The following HMCN1 variants were observed in gnomAD, a reference collection of about 807,000 sequenced individuals.
HMCN1 encodes the protein hemicentin 1.
HMCN1 carries 321 observed loss-of-function variants against 625.9 expected under a neutral mutation model. That is an observed-to-expected ratio of 0.51 (90% CI 0.47 to 0.56). HMCN1 has a LOEUF of 0.56. HMCN1 is among the 20% of genes least tolerant of loss of function. The probability of loss-of-function intolerance (pLI) is 0.00; values close to 1 mark genes in which losing one functional copy is unlikely to be tolerated. For synonymous variants in HMCN1, 2,425 were observed against 2,417.6 expected (o/e 1.00, Z -0.09); for missense variants, 6,588 against 6,887.3 (o/e 0.96, Z 1.54).
intron 1 of HMCN1, among the ~76,000 whole-genome samples, chr1:185,820,013 A>G (rs1218627215): frequency 2.0e-5 from 3 of 152,224 alleles, no homozygotes; most frequent in Admixed American, 1.3e-4. Context: ...AGCAGGAAGG[A>G]AAAAAGCACA....
At chr1:185,928,193 T>A (rs961637083) in intron 9 of HMCN1, among the ~76,000 whole-genome samples, 3 of 152,178 alleles carry the variant, frequency 2.0e-5, no homozygotes, top group Admixed American at 6.5e-5. Context: ...CTAAGATTCC[T>A]ACTGACATGA....
chr1:185,873,068 A>G (rs1181495114), intron 4 of HMCN1, among the ~76,000 whole-genome samples: 1 of 152,182 alleles, frequency 6.6e-6, no homozygotes, highest in East Asian at 1.9e-4. Context: ...AAGGGTAAAC[A>G]CTAGCCAATA....
intron 1 of HMCN1, among the ~76,000 whole-genome samples, chr1:185,812,672 A>G (rs1451135515): frequency 6.6e-6 from 1 of 152,164 alleles, no homozygotes; most frequent in Non-Finnish European, 1.5e-5. Context: ...AATAATTGAA[A>G]ACTGAATAAT....
intron 68 of HMCN1, among the ~76,000 whole-genome samples, chr1:186,096,728 A>G (rs997837556): frequency 1.3e-5 from 2 of 152,166 alleles, no homozygotes; most frequent in Admixed American, 6.6e-5. Flanking sequence ...CAGGGATGCA[A>G]GGATGTTTTA....
chr1:186,000,657 T>C (rs1238558676), intron 26 of HMCN1, among the ~76,000 whole-genome samples: 3 of 151,782 alleles, frequency 2.0e-5, no homozygotes, highest in Non-Finnish European at 4.4e-5. Flanking sequence ...TATCCTCTTT[T>C]TATTTATAAA....
At chr1:185,825,773 G>A (rs1660477029) in intron 1 of HMCN1, among the ~76,000 whole-genome samples, 1 of 152,102 alleles carries the variant, frequency 6.6e-6, no homozygotes, top group South Asian at 2.1e-4. Context: ...TGTTATGTTG[G>A]GCTTTGTGGT....
intron 68 of HMCN1, among the ~76,000 whole-genome samples, chr1:186,099,353 CA>C (rs1660286511): frequency 6.6e-6 from 1 of 152,046 alleles, no homozygotes; most frequent in African/African-American, 2.4e-5. Flanking sequence ...GGTTGGGTAG[CA>C]AATTCCTGTA....
chr1:185,734,521 AGG>A lies in HMCN1; in HGVS notation c.-257_-256del. On this transcript the variant is annotated 5_prime_UTR_variant, in exon 1 of 107. An upstream open reading frame in the 5' UTR loses its in-frame stop. Transcript: ENST00000271588. The stretch of plus-strand genomic sequence containing the variant: ...GCCCGCACTCCGCCACAGGCTGTCC[AGG>A]GCCCGCGGGCAGATAGCAGTCCAGG... The A allele has an allele frequency of 4.1e-6, 2 of 483,762 alleles. No individual in the cohort carries two copies. Among genetic ancestry groups the A allele is most frequent in the Non-Finnish European group, 7.5e-6 (2 of 267,736 alleles). 30.0% of individuals were successfully genotyped at this position (483,762 alleles called of 1,614,324 possible). A position where few individuals can be genotyped will look rare whatever the true frequency, so the allele number is the denominator to read the frequency against.
intron 57 of HMCN1, among the ~76,000 whole-genome samples, chr1:186,083,270 C>G (rs1159247926): frequency 6.6e-6 from 1 of 151,956 alleles, no homozygotes; most frequent in East Asian, 1.9e-4. Flanking sequence ...GAAGCAAATA[C>G]AGGTCTCCTA....
chr1:186,078,548 C>T (rs767949374), intron 55 of HMCN1, among the ~76,000 whole-genome samples: 2 of 152,222 alleles, frequency 1.3e-5, no homozygotes, highest in African/African-American at 2.4e-5. Flanking sequence ...TTACCTCTCT[C>T]GACTCTGCTT....
intron 101 of HMCN1, among the ~76,000 whole-genome samples, 191 bp from the exon 102 acceptor site, chr1:186,171,811 GTGTT>G (rs759409996): frequency 1.8e-4 from 27 of 151,934 alleles, no homozygotes; most frequent in Non-Finnish European, 3.1e-4. Flanking sequence ...ACAATATTTT[GTGTT>G]TGTTTTTGAT....
intron 4 of HMCN1, among the ~76,000 whole-genome samples, chr1:185,880,409 T>A (rs1664230040): frequency 6.6e-6 from 1 of 152,214 alleles, no homozygotes; most frequent in Non-Finnish European, 1.5e-5. Context: ...GTCTTTTATT[T>A]GTCTGTTTGT....
intron 4 of HMCN1, among the ~76,000 whole-genome samples, chr1:185,875,660 T>C (rs1663882236): frequency 6.6e-6 from 1 of 152,110 alleles, no homozygotes. Flanking sequence ...TGTGATATGA[T>C]GTTCTCCCCT....
At chr1:186,142,608 A>G (rs1006926331) in intron 89 of HMCN1, among the ~76,000 whole-genome samples, 8 of 151,888 alleles carry the variant, frequency 5.3e-5, no homozygotes, top group African/African-American at 1.9e-4. Context: ...TTTTATGCCA[A>G]CTCCAGTTTA....
chr1:185,743,990 T>G (rs916737309), intron 1 of HMCN1, among the ~76,000 whole-genome samples: 13 of 139,078 alleles, frequency 9.3e-5, no homozygotes, highest in African/African-American at 2.9e-4. Context: ...TTGTTTTTTT[T>G]TTTTTTTTTT....
chr1:185,818,143 A>T lies in HMCN1; in HGVS notation c.269-27883A>T, dbSNP rs1244755270. Among the ~76,000 whole-genome samples, 6 of 151,976 alleles carry T rather than the reference A, an allele frequency of 3.9e-5. No individual in the cohort carries two copies. In the South Asian group the frequency reaches 6.2e-4, roughly 16 times the overall value. On this transcript the variant is annotated intron_variant, in intron 1 of 106. Transcript: ENST00000271588. The stretch of plus-strand genomic sequence containing the variant: ...CTGCACCTAGATATATTTTCTTTAT[A>T]TTTTTTTCACTGCAACATAATTTTC...
At chr1:185,826,612 G>C (rs1660527208) in intron 1 of HMCN1, among the ~76,000 whole-genome samples, 1 of 152,174 alleles carries the variant, frequency 6.6e-6, no homozygotes, top group Non-Finnish European at 1.5e-5. Context: ...CAGTAAAAAA[G>C]ATGGGCCAAC....
Position 185,846,043 on chromosome 1 carries a change from A to G in HMCN1, c.286A>G (p.Ile96Val), listed in dbSNP as rs1277802177. 1.2e-6 allele frequency: 2 copies of G among 1,611,482 alleles called. No homozygotes were observed. The highest frequency in any genetic ancestry group is 8.5e-7 in the Non-Finnish European group (1 of 1,177,822). ...CTTCACAGAAATTGGCCCAGTGACA[A>G]TTACCACAGATCCCAAGAAATTTCA... ...FHDPEIGPVT[I>V]TTDPKKFQYE... Residue 96 changes from isoleucine to valine, a missense_variant, in exon 2 of 107, where the codon ATT (isoleucine) becomes GTT (valine). By Grantham distance (29) the Ile-to-Val change is conservative (BLOSUM62 3). Around this residue, in one of 3 missense-constraint regions of HMCN1, gnomAD observed 4,628 missense variants for 4,853.1 expected, o/e 0.95. Transcript: ENST00000271588.
intron 1 of HMCN1, among the ~76,000 whole-genome samples, chr1:185,829,303 A>C (rs1558000517): frequency 6.6e-6 from 1 of 151,864 alleles, no homozygotes; most frequent in African/African-American, 2.4e-5. Context: ...AAAAAAATAA[A>C]AGGGGGATAC....
Sources: allele counts gnomAD v4.1 joint callset (sites outside exome capture counted in the v4.1 genomes callset), GRCh38; gene constraint gnomAD v4.1.1; regional missense constraint gnomAD v4.1.1; transcripts MANE v1.5; gene names NCBI Gene and HGNC (gene_info 2026-07-23, HGNC 2026-07-21).